The following CACNA1E variants were observed in gnomAD, a reference collection of about 807,000 sequenced individuals.
CACNA1E encodes voltage-dependent R-type calcium channel subunit alpha-1E.
CACNA1E carries 40 observed loss-of-function variants against 259.2 expected under a neutral mutation model. The ratio of observed to expected loss-of-function variants is 0.15; its 90% confidence interval spans 0.12 to 0.20. The LOEUF is 0.20. CACNA1E is among the 10% of genes least tolerant of loss of function. The pLI, the probability that CACNA1E is intolerant of heterozygous loss-of-function variation, is 1.00. For missense variants in CACNA1E, 1,874 were observed against 3,040.1 expected, an observed-to-expected ratio of 0.62 and a Z score of 9.02; for synonymous variants, 1,104 against 1,138.5, an observed-to-expected ratio of 0.97 and a Z score of 0.61.
At chr1:181,425,981 C>T (rs1659160819) in intron 2 of CACNA1E, among the ~76,000 whole-genome samples, 1 of 152,138 alleles carries the variant, frequency 6.6e-6, no homozygotes, top group Non-Finnish European at 1.5e-5. Context: ...GCCTGCTGAT[C>T]AGGTGATGAG....
At chr1:181,404,524 G>A (rs981827231) in intron 1 of CACNA1E, among the ~76,000 whole-genome samples, 1 of 152,158 alleles carries the variant, frequency 6.6e-6, no homozygotes, top group African/African-American at 2.4e-5. Context: ...CGTAAAATAT[G>A]TAGTAAATGA....
intron 2 of CACNA1E, among the ~76,000 whole-genome samples, chr1:181,437,744 C>G (rs763244632): frequency 1.3e-5 from 2 of 152,134 alleles, no homozygotes; most frequent in Non-Finnish European, 2.9e-5. Flanking sequence ...TCTGCTATAC[C>G]CCTGATGTAG....
intron 1 of CACNA1E, among the ~76,000 whole-genome samples, chr1:181,360,939 C>G (rs1653841508): frequency 6.6e-6 from 1 of 152,156 alleles, no homozygotes; most frequent in Non-Finnish European, 1.5e-5. Flanking sequence ...CCACAGTGCT[C>G]TCAGATCCCT....
chr1:181,713,980 A>G (rs1471152976), intron 8 of CACNA1E, among the ~76,000 whole-genome samples: 1 of 152,152 alleles, frequency 6.6e-6, no homozygotes, highest in African/African-American at 2.4e-5. Flanking sequence ...CAACAAGCAA[A>G]TATATTATTT....
chr1:181,752,480 C>T (rs552493434), intron 27 of CACNA1E, among the ~76,000 whole-genome samples: 14 of 152,302 alleles, frequency 9.2e-5, no homozygotes, highest in African/African-American at 1.2e-4. Context: ...GTCTTCTCTC[C>T]GGTGTGATAT....
At chr1:181,615,870 GT>G (rs1432758236) in intron 6 of CACNA1E, among the ~76,000 whole-genome samples, 3 of 152,150 alleles carry the variant, frequency 2.0e-5, no homozygotes, top group African/African-American at 7.2e-5. Flanking sequence ...TTTGCTGTAG[GT>G]TTTTTATAGA....
At chr1:181,726,242 T>C in intron 18 of CACNA1E, 80 bp downstream of exon 18, 13 of 1,002,830 alleles carry the variant, frequency 1.3e-5, no homozygotes, top group Non-Finnish European at 1.8e-5. Context: ...CTATTGGTTA[T>C]AGGAGTGTAC....
chr1:181,473,636 C>T (rs1404214245), intron 2 of CACNA1E, among the ~76,000 whole-genome samples: 1 of 152,212 alleles, frequency 6.6e-6, no homozygotes, highest in Non-Finnish European at 1.5e-5. Context: ...GTTGTTTCCA[C>T]CCTGATAACT....
At chr1:181,356,269 G>A (rs963669043) in intron 1 of CACNA1E, among the ~76,000 whole-genome samples, 9 of 152,128 alleles carry the variant, frequency 5.9e-5, no homozygotes, top group African/African-American at 2.2e-4. Context: ...AGTGGAGCAC[G>A]AGGACTCAGG....
intron 1 of CACNA1E, among the ~76,000 whole-genome samples, chr1:181,506,591 T>C (rs947221076): frequency 1.4e-4 from 22 of 152,116 alleles, no homozygotes; most frequent in Non-Finnish European, 3.2e-4. Flanking sequence ...TTGATTTAAA[T>C]AGGAGAAGAA....
At chr1:181,723,690 C>A (rs543361447) in intron 16 of CACNA1E, among the ~76,000 whole-genome samples, 4 of 152,248 alleles carry the variant, frequency 2.6e-5, no homozygotes, top group African/African-American at 9.6e-5. Flanking sequence ...TTCCCACAAC[C>A]CCCTTCCTGG....
At chr1:181,327,619 A>ACAGTTAAGT (rs755731772) in intron 1 of CACNA1E, among the ~76,000 whole-genome samples, 1 of 152,198 alleles carries the variant, frequency 6.6e-6, no homozygotes, top group Non-Finnish European at 1.5e-5. Context: ...TGTCTAGAAC[A>ACAGTTAAGT]CAGTTAAGTG....
chr1:181,711,011 G>T lies in CACNA1E; in HGVS notation c.1113G>T (p.Arg371=). The change falls in exon 8 of 48, where the codon CGG becomes CGT. Residue 371 remains arginine (R), a synonymous_variant. Transcript: ENST00000367573. ...ACCGAAGGGCTTTCATGAAGCTGCG[G>T]CGCCAGCAGCAGATTGAGCGTGAGC... ...VENRRAFMKL[R]RQQQIERELN... 6.2e-7 allele frequency: 1 copy of T among 1,613,944 alleles called. No individual in the cohort carries two copies. The highest frequency in any genetic ancestry group is 8.5e-7 in the Non-Finnish European group (1 of 1,179,886).
At chr1:181,492,950 G>A (rs547303429) in intron 1 of CACNA1E, among the ~76,000 whole-genome samples, 1 of 152,260 alleles carries the variant, frequency 6.6e-6, no homozygotes, top group East Asian at 1.9e-4. Flanking sequence ...AAATGTCTGA[G>A]TAGTGACCTG....
chr1:181,548,112 C>T (rs929973316), intron 3 of CACNA1E, among the ~76,000 whole-genome samples: 1 of 88,734 alleles, frequency 1.1e-5, no homozygotes, highest in Non-Finnish European at 2.5e-5. Context: ...CCTCTGTTCC[C>T]ATAACACTTT....
intron 7 of CACNA1E, among the ~76,000 whole-genome samples, chr1:181,679,181 A>C (rs1431854528): frequency 6.6e-6 from 1 of 152,234 alleles, no homozygotes; most frequent in African/African-American, 2.4e-5. Context: ...ATAGCCGGAA[A>C]GTTAACAAAA....
intron 7 of CACNA1E, among the ~76,000 whole-genome samples, chr1:181,680,656 G>A (rs967808879): frequency 6.6e-5 from 10 of 152,176 alleles, no homozygotes; most frequent in South Asian, 4.1e-4. Flanking sequence ...ATCGGTCCAC[G>A]CAGCAGCACA....
chr1:181,783,869 G>T (rs1021040791), intron 40 of CACNA1E, 85 bp downstream of exon 40: 2 of 857,328 alleles, frequency 2.3e-6, no homozygotes, highest in Non-Finnish European at 4.0e-6. Context: ...TATTTGAACT[G>T]TCATCTATCC....
Position 181,588,908 on chromosome 1 carries a change from A to G in CACNA1E, c.951+8132A>G, listed in dbSNP as rs778544271. 6.8e-4 allele frequency among the ~76,000 whole-genome samples: 104 copies of G among 152,332 alleles called. 2 individuals carry two copies. The highest frequency in any genetic ancestry group is 3.4e-3 in the Middle Eastern group (1 of 294). ...AGGTACTTTTCACTCTGGAATCCAAATGCTGACAGAATCTCAGCCAGGTGG... is the reference window on the plus strand; with the variant it reads ...AGGTACTTTTCACTCTGGAATCCAAGTGCTGACAGAATCTCAGCCAGGTGG... On this transcript the variant is annotated intron_variant, in intron 6 of 47. Coordinates refer to ENST00000367573, the MANE Select transcript of CACNA1E (RefSeq NM_001205293.3).
Sources: allele counts gnomAD v4.1 joint callset (sites outside exome capture counted in the v4.1 genomes callset), GRCh38; gene constraint gnomAD v4.1.1; transcripts MANE v1.5; gene names NCBI Gene and HGNC (gene_info 2026-07-23, HGNC 2026-07-21).